Variants in DNAJC24 observed in about 807,000 individuals in gnomAD.
DNAJC24 encodes the protein DnaJ heat shock protein family (Hsp40) member C24, also known as dnaJ homolog subfamily C member 24.
DNAJC24 carries 17 observed loss-of-function variants against 18.0 expected under a neutral mutation model. The observed-to-expected ratio is 0.94, with a 90% CI of 0.65 to 1.42. DNAJC24 has a LOEUF of 1.42. DNAJC24 is among the 40% of genes most tolerant of loss of function. The pLI is 0.00. For synonymous variants in DNAJC24, 55 were observed against 57.7 expected, an observed-to-expected ratio of 0.95 and a Z score of 0.21; for missense variants, 158 against 175.6, an observed-to-expected ratio of 0.90 and a Z score of 0.57.
rs1395672616 is a variant in DNAJC24, at chr11:31,375,633, T to G, written c.111+4774T>G. ...AGAAGGATTAGCTTTAGGTAAGAGA[T>G]AGGAGGGACCTGTCTTCATTGTTAC... On this transcript the variant is annotated intron_variant, in intron 2 of 4. Transcript: ENST00000465995. Among the ~76,000 whole-genome samples, 3 of 134,352 alleles carry G rather than the reference T, an allele frequency of 2.2e-5. No homozygotes were observed. In the East Asian group the frequency reaches 5.8e-4, roughly 26 times the overall value. The allele number at this position is 134,352 out of a possible 152,430, so 88.1% of individuals were successfully genotyped here. A position where few individuals can be genotyped will look rare whatever the true frequency, so the allele number is the denominator to read the frequency against.
chr11:31,404,506 C>T (rs989999852), intron 2 of DNAJC24, among the ~76,000 whole-genome samples: 2 of 152,072 alleles, frequency 1.3e-5, no homozygotes, highest in African/African-American at 4.8e-5. Flanking sequence ...GCAGCAGACC[C>T]CAGAGAGGAA....
At position 31,372,193 on chromosome 11, in the gene DNAJC24, A is replaced by G. The variant is rs187509059; in HGVS notation, c.111+1334A>G. On this transcript the variant is annotated intron_variant, in intron 2 of 4. Coordinates refer to ENST00000465995, the MANE Select transcript of DNAJC24 (RefSeq NM_181706.5). ...CTGAATTTTTATATTCATTTTTTCA[A>G]TCTGTATTGTGATGCTTCTTAAGCC... Among the ~76,000 whole-genome samples the G allele has an allele frequency of 3.3e-3, 495 of 151,892 alleles. 2 individuals are homozygous for G. Among genetic ancestry groups the G allele is most frequent in the Non-Finnish European group, 4.3e-3 (292 of 67,960 alleles).
intron 2 of DNAJC24, among the ~76,000 whole-genome samples, 167 bp from the exon 3 acceptor site, chr11:31,414,644 A>G (rs1952737315): frequency 6.6e-6 from 1 of 152,236 alleles, no homozygotes; most frequent in African/African-American, 2.4e-5. Flanking sequence ...GGTCTAATTA[A>G]CCTGGCAGTT....
At position 31,430,508 on chromosome 11, in the gene DNAJC24, G is replaced by A. The variant is rs573813036; in HGVS notation, c.*107G>A. ...GGATTATTTGTCAGCCCGATTATTT[G>A]CAAAGAAAATATACAATTATCAAGC... On this transcript the variant is annotated 3_prime_UTR_variant, in exon 5 of 5. Coordinates refer to ENST00000465995, the MANE Select transcript of DNAJC24 (RefSeq NM_181706.5). 26 of 966,966 alleles carry A rather than the reference G, an allele frequency of 2.7e-5. 1 individual carries two copies. The South Asian group carries it at 6.9e-4, about 26-fold the overall frequency. The allele number at this position is 966,966 out of a possible 1,614,324, so 59.9% of individuals were successfully genotyped here. A position where few individuals can be genotyped will look rare whatever the true frequency, so the allele number is the denominator to read the frequency against.
Position 31,421,370 on chromosome 11 carries a change from A to G in DNAJC24, c.251-4917A>G, listed in dbSNP as rs114901316. Among the ~76,000 whole-genome samples the G allele has an allele frequency of 1.1e-3, 173 of 152,358 alleles. 2 individuals are homozygous for G. Among genetic ancestry groups the G allele is most frequent in the African/African-American group, 3.9e-3 (161 of 41,594 alleles). On this transcript the variant is annotated intron_variant, in intron 3 of 4. Transcript: ENST00000465995. ...TTTTAACTTACACACCAGTGTCTTTAAGTTTGAAATAAACTTTAAACATTT... is the reference window on the plus strand; with the variant it reads ...TTTTAACTTACACACCAGTGTCTTTGAGTTTGAAATAAACTTTAAACATTT...
intron 3 of DNAJC24, among the ~76,000 whole-genome samples, chr11:31,421,164 T>G (rs2133502059): frequency 6.6e-6 from 1 of 152,240 alleles, no homozygotes; most frequent in Admixed American, 6.6e-5. Flanking sequence ...GGTAGAGAAT[T>G]TTTCAAGAGC....
At chr11:31,403,295 A>G (rs1316574105) in intron 2 of DNAJC24, among the ~76,000 whole-genome samples, 1 of 152,120 alleles carries the variant, frequency 6.6e-6, no homozygotes, top group Non-Finnish European at 1.5e-5. Flanking sequence ...AAAGTGAGAC[A>G]CTTTTTTCAG....
chr11:31,421,539 G>A (rs1952804153), intron 3 of DNAJC24, among the ~76,000 whole-genome samples: 1 of 152,178 alleles, frequency 6.6e-6, no homozygotes, highest in Non-Finnish European at 1.5e-5. Context: ...GCCAGATGGG[G>A]TTGAATGAGA....
chr11:31,423,016 C>T (rs969094934), intron 3 of DNAJC24, among the ~76,000 whole-genome samples: 7 of 152,124 alleles, frequency 4.6e-5, no homozygotes, highest in African/African-American at 1.7e-4. Context: ...GTTAATCACC[C>T]CTAGCCTTTT....
At chr11:31,379,892 G>A (rs572886823) in intron 2 of DNAJC24, among the ~76,000 whole-genome samples, 50 of 151,956 alleles carry the variant, frequency 3.3e-4, no homozygotes, top group Middle Eastern at 3.4e-3. Context: ...CAAGTAGCTG[G>A]GATTACAGGC....
intron 2 of DNAJC24, among the ~76,000 whole-genome samples, chr11:31,407,111 G>A (rs1042212959): frequency 1.4e-4 from 21 of 152,118 alleles, no homozygotes; most frequent in Non-Finnish European, 2.9e-5. Flanking sequence ...TCCTATTGAT[G>A]GTACTAAAAC....
Position 31,430,493 on chromosome 11 carries a change from T to C in DNAJC24, c.*92T>C. The C allele has an allele frequency of 8.6e-7, 1 of 1,160,804 alleles. No homozygotes were observed. The highest frequency in any genetic ancestry group is 1.2e-6 in the Non-Finnish European group (1 of 858,784). The allele number at this position is 1,160,804 out of a possible 1,614,324, so 71.9% of individuals were successfully genotyped here. A position where few individuals can be genotyped will look rare whatever the true frequency, so the allele number is the denominator to read the frequency against. On this transcript the variant is annotated 3_prime_UTR_variant, in exon 5 of 5. Coordinates refer to ENST00000465995, the MANE Select transcript of DNAJC24 (RefSeq NM_181706.5). ...TCCATTCAAGGAAATGGATTATTTGTCAGCCCGATTATTTGCAAAGAAAAT... is the reference window on the plus strand; with the variant it reads ...TCCATTCAAGGAAATGGATTATTTGCCAGCCCGATTATTTGCAAAGAAAAT...
chr11:31,407,428 G>A lies in DNAJC24; in HGVS notation c.112-7383G>A, dbSNP rs181748987. Reference sequence around the variant, plus strand: ...TGTAGCCAATAGAAAATATCATTTGGAGCTAATGAATATATAATATTCACA... The same window carrying A: ...TGTAGCCAATAGAAAATATCATTTGAAGCTAATGAATATATAATATTCACA... On this transcript the variant is annotated intron_variant, in intron 2 of 4. Coordinates refer to ENST00000465995, the MANE Select transcript of DNAJC24 (RefSeq NM_181706.5). 4.0e-3 allele frequency: 601 copies of A among 151,928 alleles called. 4 individuals carry two copies. The highest frequency in any genetic ancestry group is 0.014 in the African/African-American group (575 of 41,428). The allele number at this position is 151,928 out of a possible 1,614,324, so 9.4% of individuals were successfully genotyped here.
intron 2 of DNAJC24, among the ~76,000 whole-genome samples, chr11:31,375,403 A>ATAGC (rs1276031562): frequency 7.4e-6 from 1 of 135,100 alleles, no homozygotes; most frequent in African/African-American, 2.5e-5. Context: ...CAGGGGAGGT[A>ATAGC]TAGCTGTTAG....
At chr11:31,370,890 G>A (rs1952231238) in intron 2 of DNAJC24, 31 bp downstream of exon 2, 3 of 1,440,432 alleles carry the variant, frequency 2.1e-6, no homozygotes, top group South Asian at 1.3e-5. Context: ...TTTAAATCAT[G>A]AGGGGAAAAA....
chr11:31,379,821 G>A (rs1053296790), intron 2 of DNAJC24, among the ~76,000 whole-genome samples: 1 of 151,832 alleles, frequency 6.6e-6, no homozygotes, highest in African/African-American at 2.4e-5. Flanking sequence ...GCAGTGGTGC[G>A]ATCTAGTCTC....
chr11:31,416,036 A>G (rs979220249), intron 3 of DNAJC24: 1 of 152,214 alleles, frequency 6.6e-6, no homozygotes, highest in African/African-American at 2.4e-5. Flanking sequence ...TCTGTGTGGA[A>G]AGACTTGAAC....
chr11:31,385,351 T>C (rs924684739), intron 2 of DNAJC24, among the ~76,000 whole-genome samples: 1 of 152,244 alleles, frequency 6.6e-6, no homozygotes, highest in Middle Eastern at 3.2e-3. Flanking sequence ...CTTCAAACTT[T>C]GGTGACTATC....
At chr11:31,406,282 G>A (rs1023430380) in intron 2 of DNAJC24, among the ~76,000 whole-genome samples, 9 of 152,168 alleles carry the variant, frequency 5.9e-5, no homozygotes, top group African/African-American at 2.2e-4. Context: ...CTAGGAAAGA[G>A]TATGAGAGAA....
Sources: gnomAD v4.1 joint callset for allele counts (sites outside exome capture counted in the v4.1 genomes callset) on GRCh38, gnomAD v4.1.1 for gene constraint, MANE v1.5 for transcripts, NCBI Gene and HGNC (gene_info 2026-07-23, HGNC 2026-07-21) for gene names.